AGBL1: variants seen among roughly 807,000 people sequenced by gnomAD.
The protein encoded by AGBL1 is AGBL carboxypeptidase 1, also known as cytosolic carboxypeptidase 4.
A neutral mutation model predicts 118.9 loss-of-function variants in AGBL1; 130 were observed. The observed-to-expected ratio is 1.09, with a 90% CI of 0.95 to 1.26. The LOEUF (loss-of-function observed/expected upper bound fraction) is 1.26. AGBL1 is among the 50% of genes most tolerant of loss of function. The pLI, the probability that AGBL1 is intolerant of heterozygous loss-of-function variation, is 0.00. For synonymous variants in AGBL1, 555 were observed against 478.9 expected (o/e 1.16, Z -2.08); for missense variants, 1,584 against 1,298.1 (o/e 1.22, Z -3.38).
chr15:86,874,381 GACACACACAC>G (rs58756904), intron 22 of AGBL1, among the ~76,000 whole-genome samples: 2 of 148,924 alleles, frequency 1.3e-5, no homozygotes, highest in Non-Finnish European at 3.0e-5. Context: ...TTGTGGGTGG[GACACACACAC>G]ACACACACAC....
At chr15:86,439,754 G>T (rs2082039291) in intron 18 of AGBL1, among the ~76,000 whole-genome samples, 1 of 152,144 alleles carries the variant, frequency 6.6e-6, no homozygotes, top group African/African-American at 2.4e-5. Context: ...TTTACTTGAG[G>T]TGTTATGAAA....
intron 3 of AGBL1, among the ~76,000 whole-genome samples, chr15:86,148,255 A>G (rs1258432228): frequency 2.0e-5 from 3 of 152,238 alleles, no homozygotes; most frequent in African/African-American, 7.2e-5. Flanking sequence ...TGCCAGCAAC[A>G]GAACAAAATT....
At chr15:86,692,196 A>C (rs1430287272) in intron 22 of AGBL1, among the ~76,000 whole-genome samples, 2 of 151,994 alleles carry the variant, frequency 1.3e-5, no homozygotes, top group East Asian at 1.9e-4. Flanking sequence ...AAAACAAAAA[A>C]CAAAAAAACC....
chr15:86,946,124 A>G (rs1306907020), intron 23 of AGBL1: 3 of 152,196 alleles, frequency 2.0e-5, no homozygotes, highest in African/African-American at 7.2e-5. Context: ...ATTTCTTTCA[A>G]AGACAGCAAC....
At chr15:86,575,799 G>T (rs2084083896) in intron 21 of AGBL1, among the ~76,000 whole-genome samples, 1 of 152,018 alleles carries the variant, frequency 6.6e-6, no homozygotes, top group African/African-American at 2.4e-5. Context: ...GTCTTGGTAT[G>T]TTGCCTAGGC....
At chr15:86,374,315 TTA>T (rs962050803) in intron 17 of AGBL1, among the ~76,000 whole-genome samples, 3 of 152,220 alleles carry the variant, frequency 2.0e-5, no homozygotes, top group African/African-American at 7.2e-5. Context: ...AAGTGTTATT[TTA>T]TGTTTCATGG....
chr15:86,568,173 C>G (rs1282143742), intron 21 of AGBL1, among the ~76,000 whole-genome samples: 3 of 152,054 alleles, frequency 2.0e-5, no homozygotes, highest in Admixed American at 1.3e-4. Context: ...TTTGTTTTCT[C>G]TAGCTCCTGG....
chr15:86,292,900 G>C (rs1210140698), intron 16 of AGBL1, among the ~76,000 whole-genome samples: 1 of 152,180 alleles, frequency 6.6e-6, no homozygotes, highest in Non-Finnish European at 1.5e-5. Flanking sequence ...TGCTGATGAA[G>C]GTTGGGGAAT....
chr15:86,711,689 C>T (rs546334568), intron 22 of AGBL1, among the ~76,000 whole-genome samples: 1 of 152,138 alleles, frequency 6.6e-6, no homozygotes, highest in Non-Finnish European at 1.5e-5. Context: ...CAGCCTATGA[C>T]CTGTTTTGAA....
chr15:86,673,906 C>T (rs4608306), intron 21 of AGBL1, among the ~76,000 whole-genome samples: 73,801 of 151,968 alleles, frequency 0.49, 18,542 homozygotes, highest in Non-Finnish European at 0.56. Context: ...TTATGAACTT[C>T]TGTTTCAGAA....
intron 18 of AGBL1, among the ~76,000 whole-genome samples, chr15:86,511,672 G>C (rs931606052): frequency 6.6e-6 from 1 of 151,978 alleles, no homozygotes; most frequent in African/African-American, 2.4e-5. Context: ...ACATATAGCA[G>C]TTAATAAAAG....
chr15:86,541,428 A>G (rs909873950), intron 19 of AGBL1, among the ~76,000 whole-genome samples: 1 of 151,974 alleles, frequency 6.6e-6, no homozygotes, highest in African/African-American at 2.4e-5. Context: ...TGTCTCTACA[A>G]AAGTATTTTA....
At chr15:86,702,221 T>C (rs538183984) in intron 22 of AGBL1, among the ~76,000 whole-genome samples, 1 of 152,200 alleles carries the variant, frequency 6.6e-6, no homozygotes, top group South Asian at 2.1e-4. Context: ...AAATAAGCCA[T>C]GACAAATATT....
At chr15:86,401,664 A>G (rs1328580895) in intron 18 of AGBL1, among the ~76,000 whole-genome samples, 1 of 152,232 alleles carries the variant, frequency 6.6e-6, no homozygotes, top group South Asian at 2.1e-4. Flanking sequence ...CTTCTTCTAC[A>G]TGTGGCTTGC....
chr15:86,811,672 C>T (rs2078792063), intron 22 of AGBL1, among the ~76,000 whole-genome samples: 2 of 152,102 alleles, frequency 1.3e-5, no homozygotes, highest in Non-Finnish European at 2.9e-5. Context: ...AGGGCTCAGT[C>T]CCAAACAGTT....
At chr15:86,232,641 G>A (rs536071747) in intron 6 of AGBL1, among the ~76,000 whole-genome samples, 23 of 152,236 alleles carry the variant, frequency 1.5e-4, no homozygotes, top group Admixed American at 8.5e-4. Flanking sequence ...ATGATGGATC[G>A]GGACTTACGG....
At chr15:86,673,593 T>C (rs1360577324) in intron 21 of AGBL1, among the ~76,000 whole-genome samples, 1 of 152,200 alleles carries the variant, frequency 6.6e-6, no homozygotes, top group Non-Finnish European at 1.5e-5. Context: ...CACAGGGCTT[T>C]GGTAAGGATC....
At chr15:86,693,445 G>A (rs2086206564) in intron 22 of AGBL1, among the ~76,000 whole-genome samples, 1 of 151,816 alleles carries the variant, frequency 6.6e-6, no homozygotes, top group Non-Finnish European at 1.5e-5. Flanking sequence ...TTTTTTGATG[G>A]GATTGTTAAT....
chr15:86,938,386 T>C (rs2080703191), intron 23 of AGBL1, among the ~76,000 whole-genome samples: 1 of 152,160 alleles, frequency 6.6e-6, no homozygotes, highest in Admixed American at 6.5e-5. Flanking sequence ...TGGAAGAAAC[T>C]TTTGACCTAA....
Sources: gnomAD v4.1 joint callset for allele counts (sites outside exome capture counted in the v4.1 genomes callset) on GRCh38, gnomAD v4.1.1 for gene constraint, MANE v1.5 for transcripts, NCBI Gene and HGNC (gene_info 2026-07-23, HGNC 2026-07-21) for gene names.